MYOT: variants seen among roughly 807,000 people sequenced by gnomAD.
The protein encoded by MYOT is 57 kDa cytoskeletal protein.
In MYOT, 36 loss-of-function variants were observed where a neutral mutation model predicts 58.0. That is an observed-to-expected ratio of 0.62 (90% confidence interval 0.48 to 0.82). The LOEUF is 0.82. MYOT is among the 40% of genes least tolerant of loss of function. MYOT has a pLI of 0.00. For synonymous variants in MYOT, 218 were observed against 204.6 expected (o/e 1.07, Z -0.56); for missense variants, 505 against 592.1 (o/e 0.85, Z 1.53).
At position 137,883,422 on chromosome 5, in the gene MYOT, A is replaced by C. The variant is rs777348741; in HGVS notation, c.855A>C (p.Leu285=). 1.3e-5 allele frequency: 21 copies of C among 1,614,002 alleles called. No homozygotes were observed. Among genetic ancestry groups the C allele is most frequent in the Non-Finnish European group, 1.8e-5 (21 of 1,180,024 alleles). The change falls in exon 7 of 10, where the codon CTA becomes CTC. Residue 285 remains leucine, a synonymous_variant. Coordinates refer to ENST00000239926, the MANE Select transcript of MYOT (RefSeq NM_006790.3). ...CAGCTCCTGATGTGTCATGGTATCTAAATGGAAGAACAGTTCAATCAGATG... is the reference window on the plus strand; with the variant it reads ...CAGCTCCTGATGTGTCATGGTATCTCAATGGAAGAACAGTTCAATCAGATG... ...GLPAPDVSWY[L]NGRTVQSDDL...
Position 137,883,508 on chromosome 5 carries a change from G to A in MYOT, c.941G>A (p.Arg314Lys). The change falls in exon 7 of 10, where the codon AGA (arginine) becomes AAA (lysine). Residue 314 changes from arginine (R) to lysine (K), a missense_variant. Transcript: ENST00000239926. ...GLHSLIFEVV[R>K]ASDAGAYACV... The stretch of plus-strand genomic sequence containing the variant: ...CATTCACTCATCTTTGAAGTAGTCA[G>A]AGCTTCAGATGCAGGGGCTTATGCA... 1 of 1,614,178 alleles carries A rather than the reference G, an allele frequency of 6.2e-7. No homozygotes were observed. Among genetic ancestry groups the A allele is most frequent in the Non-Finnish European group, 8.5e-7 (1 of 1,180,026 alleles).
intron 1 of MYOT, among the ~76,000 whole-genome samples, chr5:137,868,621 T>C (rs1052123023): frequency 1.3e-5 from 2 of 152,274 alleles, no homozygotes; most frequent in African/African-American, 4.8e-5. Flanking sequence ...TCTGAAAATA[T>C]ATGTAAAGAA....
rs957412445 is a variant in MYOT at position 137,887,587 on chromosome 5, C to G, written c.*202C>G. On this transcript the variant is annotated 3_prime_UTR_variant, in exon 10 of 10. Coordinates refer to ENST00000239926, the MANE Select transcript of MYOT (RefSeq NM_006790.3). The stretch of plus-strand genomic sequence containing the variant: ...CCGATTTGTGAAGCCTACAGGAAAT[C>G]TGGGTATATGGATTTGTAACTGCAG... The G allele has an allele frequency of 6.2e-4, 177 of 287,072 alleles. 1 individual carries two copies. Among genetic ancestry groups the G allele is most frequent in the African/African-American group, 3.8e-3 (170 of 44,680 alleles). The allele number at this position is 287,072 out of a possible 1,614,324, so 17.8% of individuals were successfully genotyped here. A position where few individuals can be genotyped will look rare whatever the true frequency, so the allele number is the denominator to read the frequency against.
At chr5:137,883,354 T>C in intron 6 of MYOT, 30 bp from the exon 7 acceptor site, 1 of 1,573,658 alleles carries the variant, frequency 6.4e-7, no homozygotes, top group Non-Finnish European at 8.7e-7. Flanking sequence ...ACTTTAAAAT[T>C]CTGCCATCTC....
At chr5:137,878,668 C>T (rs1755312984) in intron 4 of MYOT, among the ~76,000 whole-genome samples, 1 of 151,396 alleles carries the variant, frequency 6.6e-6, no homozygotes, top group African/African-American at 2.4e-5. Context: ...ACTAAAAATA[C>T]AAAAATTAGC....
chr5:137,875,641 T>C (rs1755187234), intron 2 of MYOT, among the ~76,000 whole-genome samples, 188 bp from the exon 3 acceptor site: 1 of 151,982 alleles, frequency 6.6e-6, no homozygotes, highest in Non-Finnish European at 1.5e-5. Context: ...ACACTTAATT[T>C]CCATTTGCCA....
intron 6 of MYOT, 137 bp from the exon 7 acceptor site, chr5:137,883,247 A>G (rs1182964507): frequency 1.4e-6 from 1 of 700,318 alleles, no homozygotes; most frequent in East Asian, 2.7e-5. Flanking sequence ...AATTATAAAT[A>G]CTTTTGAGCT....
At chr5:137,877,028 G>T (rs1226836032) in intron 3 of MYOT, among the ~76,000 whole-genome samples, 1 of 150,198 alleles carries the variant, frequency 6.7e-6, no homozygotes, top group African/African-American at 2.5e-5. Flanking sequence ...AATGGTACTA[G>T]AATAGAAGGA....
At chr5:137,871,714 CAT>C (rs1359353273) in intron 2 of MYOT, among the ~76,000 whole-genome samples, 3 of 152,208 alleles carry the variant, frequency 2.0e-5, no homozygotes, top group Admixed American at 6.5e-5. Context: ...CTTATGTAAA[CAT>C]GTGCTATTTC....
chr5:137,881,827 A>C (rs1755441169), intron 5 of MYOT, 146 bp from the exon 6 acceptor site: 8 of 797,604 alleles, frequency 1.0e-5, no homozygotes, highest in Non-Finnish European at 1.7e-5. Context: ...CTCCTGAGTG[A>C]GCTGAGATTG....
intron 6 of MYOT, 83 bp downstream of exon 6, chr5:137,882,188 G>C: frequency 6.8e-7 from 1 of 1,473,298 alleles, no homozygotes; most frequent in East Asian, 2.3e-5. Flanking sequence ...CTACTTCATA[G>C]CTTGCAAAGC....
chr5:137,887,059 T>C, intron 9 of MYOT, 62 bp downstream of exon 9: 1 of 1,573,516 alleles, frequency 6.4e-7, no homozygotes, highest in Non-Finnish European at 8.7e-7. Context: ...TAATAAGAAA[T>C]GAAAATCCCA....
chr5:137,874,714 G>C (rs1755156454), intron 2 of MYOT, among the ~76,000 whole-genome samples: 1 of 152,118 alleles, frequency 6.6e-6, no homozygotes, highest in Non-Finnish European at 1.5e-5. Flanking sequence ...CTTTTTTCCA[G>C]TTTACATTTC....
chr5:137,870,705 C>A lies in MYOT; in HGVS notation c.54C>A (p.Gly18=). The change falls in exon 2 of 10, where the codon GGC becomes GGA. Residue 18 remains glycine, a synonymous_variant. Coordinates refer to ENST00000239926, the MANE Select transcript of MYOT (RefSeq NM_006790.3). The part of the protein sequence containing the change: ...KHFIQSQNPC[G]SRLQPPGPET... The stretch of plus-strand genomic sequence containing the variant: ...TCATCCAGTCCCAAAACCCATGTGG[C>A]TCCAGATTGCAGCCTCCTGGACCAG... 1 of 1,614,216 alleles carries A rather than the reference C, an allele frequency of 6.2e-7. No homozygotes were observed. Among genetic ancestry groups the A allele is most frequent in the South Asian group, 1.1e-5 (1 of 91,080 alleles).
intron 7 of MYOT, among the ~76,000 whole-genome samples, chr5:137,885,556 G>C (rs1755568477): frequency 6.6e-6 from 1 of 151,950 alleles, no homozygotes; most frequent in South Asian, 2.1e-4. Flanking sequence ...CAGATCACTT[G>C]AGGCCAGGAG....
At chr5:137,868,240 T>G (rs74716859) in intron 1 of MYOT, among the ~76,000 whole-genome samples, 1 of 152,218 alleles carries the variant, frequency 6.6e-6, no homozygotes, top group African/African-American at 2.4e-5. Context: ...TGATGTCTTA[T>G]GAACGCAACA....
At position 137,875,908 on chromosome 5, in the gene MYOT, C is replaced by T. The variant is rs1755197357; in HGVS notation, c.436C>T (p.Pro146Ser). 6.2e-7 allele frequency: 1 copy of T among 1,614,050 alleles called. No homozygotes were observed. The highest frequency in any genetic ancestry group is 8.5e-7 in the Non-Finnish European group (1 of 1,179,980). The change falls in exon 3 of 10, where the codon CCT becomes TCT. Residue 146 changes from proline (P) to serine (S), a missense_variant. Physicochemically the swap from Pro to Ser is moderately conservative, Grantham distance 74. Transcript: ENST00000239926. ...AAATGCTAAGCCCATACCAAGAACT[C>T]CTGATCATGAAATACAAGGATCAAA... ...TANAKPIPRTPDHEIQGSKEA... is the reference protein window; with the variant it reads ...TANAKPIPRTSDHEIQGSKEA...
chr5:137,870,270 G>A (rs922178632), intron 1 of MYOT, among the ~76,000 whole-genome samples, 171 bp from the exon 2 acceptor site: 1 of 148,052 alleles, frequency 6.8e-6, no homozygotes, highest in African/African-American at 2.5e-5. Flanking sequence ...AGCTATGTTC[G>A]CCTGGGCGAT....
intron 4 of MYOT, among the ~76,000 whole-genome samples, chr5:137,879,366 A>T (rs1009130280): frequency 6.6e-6 from 1 of 152,160 alleles, no homozygotes; most frequent in Non-Finnish European, 1.5e-5. Context: ...TAAACAGTTC[A>T]TGAATTCGTT....
Sources: allele counts gnomAD v4.1 joint callset (sites outside exome capture counted in the v4.1 genomes callset), GRCh38; gene constraint gnomAD v4.1.1; transcripts MANE v1.5; gene names NCBI Gene and HGNC (gene_info 2026-07-23, HGNC 2026-07-21).